The following CFAP46 variants were observed in gnomAD, a reference collection of about 807,000 sequenced individuals.
The protein encoded by CFAP46 is cilia and flagella associated protein 46, also known as cilia- and flagella-associated protein 46.
CFAP46 carries 245 observed loss-of-function variants against 325.7 expected under a neutral mutation model. The ratio of observed to expected loss-of-function variants is 0.75; its 90% CI spans 0.68 to 0.84. The LOEUF is 0.84. CFAP46 is among the 40% of genes least tolerant of loss of function. The pLI, the probability that CFAP46 is intolerant of heterozygous loss-of-function variation, is 0.00. For synonymous variants in CFAP46, 1,523 were observed against 1,495.9 expected (o/e 1.02, Z -0.42); for missense variants, 3,346 against 3,543.0 (o/e 0.94, Z 1.41).
chr10:132,848,653 A>T (rs1848482506), intron 41 of CFAP46, among the ~76,000 whole-genome samples: 1 of 152,242 alleles, frequency 6.6e-6, no homozygotes, highest in African/African-American at 2.4e-5. Context: ...GGCACAGATA[A>T]GGAAGTCACA....
Position 132,859,226 on chromosome 10 carries a change from T to G in CFAP46, c.5220A>C (p.Arg1740Ser). ...CAGTGACCGCTGAGTGCTGCGCAACTCTGACCCGCAGGCTCAGGCACCTGA... is the reference window on the plus strand; with the variant it reads ...CAGTGACCGCTGAGTGCTGCGCAACGCTGACCCGCAGGCTCAGGCACCTGA... ...LEARCLSLRVRVAQHSAVTEP... is the reference protein window; with the variant it reads ...LEARCLSLRVSVAQHSAVTEP... The change falls in exon 38 of 58, where the codon AGA becomes AGC. Residue 1740 changes from arginine to serine, a missense_variant. Arg to Ser is a moderately radical substitution (Grantham distance 110, BLOSUM62 -1). Transcript: ENST00000368586. 6.5e-7 allele frequency: 1 copy of G among 1,549,434 alleles called. No homozygotes were observed. Among genetic ancestry groups the G allele is most frequent in the Non-Finnish European group, 8.7e-7 (1 of 1,146,816 alleles).
chr10:132,850,965 C>A (rs940961718), intron 40 of CFAP46, 152 bp downstream of exon 40: 2 of 813,260 alleles, frequency 2.5e-6, no homozygotes, highest in East Asian at 2.7e-5. Context: ...TGAGACAATG[C>A]CCGGGAGCTC....
Position 132,812,655 on chromosome 10 carries a change from G to C in CFAP46, c.7501+130C>G, listed in dbSNP as rs889139379. On this transcript the variant is annotated intron_variant, in intron 55 of 57. Transcript: ENST00000368586. ...GGAGGGGCCTGCAGTCACAGAGGGT[G>C]GGGGGCAGGAGGGGGCTGCGGCCAC... 9.3e-6 allele frequency: 6 copies of C among 641,862 alleles called. No individual in the cohort carries two copies. In the African/African-American group the frequency reaches 1.1e-4, roughly 12 times the overall value. The allele number at this position is 641,862 out of a possible 1,614,324, so 39.8% of individuals were successfully genotyped here. A position where few individuals can be genotyped will look rare whatever the true frequency, so the allele number is the denominator to read the frequency against.
intron 24 of CFAP46, among the ~76,000 whole-genome samples, chr10:132,892,851 G>A (rs1414826133): frequency 1.3e-5 from 2 of 152,126 alleles, no homozygotes; most frequent in South Asian, 2.1e-4. Flanking sequence ...TTTTCATTTT[G>A]TTATAGTAGG....
In CFAP46 at chr10:132,885,763, TGGGGGGAGCACTCAGGCG is replaced by T. The variant is rs1564789760; in HGVS notation, c.3443+40_3443+57del. The T allele has an allele frequency of 3.7e-6, 5 of 1,336,906 alleles. No homozygotes were observed. The East Asian group carries it at 1.2e-4, about 31-fold the overall frequency. 82.8% of individuals were successfully genotyped at this position (1,336,906 alleles called of 1,614,324 possible). A position where few individuals can be genotyped will look rare whatever the true frequency, so the allele number is the denominator to read the frequency against. On this transcript the variant is annotated intron_variant, in intron 26 of 57. Transcript: ENST00000368586. ...CGGTGTGGGGAGCACTCACAGGCGG[TGGGGGGAGCACTCAGGCG>T]GTGGAGGGAGCACTCACAGGCGGTG...
intron 29 of CFAP46, 134 bp downstream of exon 29, chr10:132,879,292 G>C: frequency 1.2e-6 from 1 of 839,932 alleles, no homozygotes; most frequent in Non-Finnish European, 1.8e-6. Context: ...GCAGGAAATT[G>C]CTCACATCTC....
chr10:132,905,554 T>C (rs1010804886), intron 22 of CFAP46, among the ~76,000 whole-genome samples: 4 of 152,260 alleles, frequency 2.6e-5, no homozygotes, highest in African/African-American at 9.6e-5. Context: ...GGTCCTTTTG[T>C]CTAAAATGGC....
chr10:132,928,250 G>A (rs1434450892), intron 9 of CFAP46, among the ~76,000 whole-genome samples: 1 of 152,278 alleles, frequency 6.6e-6, no homozygotes, highest in Non-Finnish European at 1.5e-5. Flanking sequence ...GGGCTGCTGG[G>A]AAGGAGGAAG....
chr10:132,846,181 G>A lies in CFAP46; in HGVS notation c.6314C>T (p.Thr2105Ile). ...CAGCTGTGAGCTGCTGGTGTTGGCT[G>A]TGGCTGCAAGCAGGACATCCCTCAT... is the stretch of plus-strand genomic sequence containing the variant. ...ETMRDVLLAA[T>I]ANTSSSQLAA... is the part of the protein sequence containing the mutation. The change falls in exon 44 of 58, where the codon ACA (threonine) becomes ATA (isoleucine). Residue 2105 changes from threonine (T) to isoleucine (I), a missense_variant. Transcript: ENST00000368586. 1 of 1,612,002 alleles carries A rather than the reference G, an allele frequency of 6.2e-7. No homozygotes were observed. The highest frequency in any genetic ancestry group is 8.5e-7 in the Non-Finnish European group (1 of 1,179,626).
At chr10:132,822,133 G>C (rs567704102) in intron 50 of CFAP46, among the ~76,000 whole-genome samples, 6 of 141,412 alleles carry the variant, frequency 4.2e-5, no homozygotes, top group Admixed American at 4.2e-4. Flanking sequence ...ACTTGTGTGT[G>C]CTGTGTGTGT....
chr10:132,816,195 C>T (rs532304217), intron 50 of CFAP46, among the ~76,000 whole-genome samples: 6 of 151,750 alleles, frequency 4.0e-5, no homozygotes, highest in Non-Finnish European at 8.8e-5. Context: ...GCTGGTGCGT[C>T]GTTAGCGCTG....
At chr10:132,835,201 G>T in intron 47 of CFAP46, 103 bp downstream of exon 47, 1 of 1,477,506 alleles carries the variant, frequency 6.8e-7, no homozygotes, top group Non-Finnish European at 9.1e-7. Flanking sequence ...TCAGCAGCCT[G>T]GCCTAGCGCC....
intron 8 of CFAP46, among the ~76,000 whole-genome samples, chr10:132,932,903 C>T (rs575535583): frequency 3.3e-5 from 5 of 152,352 alleles, no homozygotes; most frequent in South Asian, 4.1e-4. Flanking sequence ...CCCTCCGGGA[C>T]GCCTCTCTTC....
At chr10:132,892,866 T>C (rs1238319507) in intron 24 of CFAP46, among the ~76,000 whole-genome samples, 1 of 152,158 alleles carries the variant, frequency 6.6e-6, no homozygotes, top group Non-Finnish European at 1.5e-5. Flanking sequence ...AGTAGGTAGC[T>C]AGTCAAACAT....
intron 35 of CFAP46, among the ~76,000 whole-genome samples, chr10:132,864,429 T>C (rs113708962): frequency 2.3e-5 from 2 of 88,306 alleles, no homozygotes; most frequent in Non-Finnish European, 4.4e-5. Flanking sequence ...CACACACCTG[T>C]CCCCAGTGCC....
intron 50 of CFAP46, among the ~76,000 whole-genome samples, chr10:132,826,120 C>G (rs28971770): frequency 5.3e-3 from 585 of 110,186 alleles, no homozygotes; most frequent in Admixed American, 0.013. Flanking sequence ...CGGAGCCAGG[C>G]AGGAGCCGGA....
At chr10:132,900,033 C>A (rs1220407227) in intron 22 of CFAP46, among the ~76,000 whole-genome samples, 1 of 152,208 alleles carries the variant, frequency 6.6e-6, no homozygotes, top group Non-Finnish European at 1.5e-5. Context: ...AAGACTGTCA[C>A]CCCAGCTGAC....
chr10:132,929,454 TAGA>T (rs769987051), intron 9 of CFAP46: 6 of 728,284 alleles, frequency 8.2e-6, no homozygotes, highest in South Asian at 7.1e-5. Context: ...AATTGGACTC[TAGA>T]AACAACTGTG....
chr10:132,823,268 T>C (rs1429625313), intron 50 of CFAP46, among the ~76,000 whole-genome samples: 1 of 118,612 alleles, frequency 8.4e-6, no homozygotes. Context: ...GCTGTGTGAG[T>C]GCTGATGTGT....
Sources: gnomAD v4.1 joint callset for allele counts (sites outside exome capture counted in the v4.1 genomes callset) on GRCh38, gnomAD v4.1.1 for gene constraint, MANE v1.5 for transcripts, NCBI Gene and HGNC (gene_info 2026-07-23, HGNC 2026-07-21) for gene names.